Variants in ANO5 observed in about 807,000 individuals in gnomAD.
ANO5 encodes anoctamin 5.
Under a neutral mutation model 121.0 loss-of-function variants are expected in ANO5, and 109 were observed. That is an observed-to-expected ratio of 0.90 (90% CI 0.77 to 1.06). The LOEUF is 1.06. ANO5 is among the 50% of genes least tolerant of loss of function. The pLI, the probability that ANO5 is intolerant of heterozygous loss-of-function variation, is 0.00. For synonymous variants in ANO5, 406 were observed against 359.9 expected, an observed-to-expected ratio of 1.13 and a Z score of -1.45; for missense variants, 1,064 against 1,078.5, an observed-to-expected ratio of 0.99 and a Z score of 0.19.
chr11:22,279,831 G>T lies in ANO5; in HGVS notation c.*66G>T. 1 of 1,332,650 alleles carries T rather than the reference G, an allele frequency of 7.5e-7. No homozygotes were observed. The highest frequency in any genetic ancestry group is 1.1e-6 in the Non-Finnish European group (1 of 943,372). The allele number at this position is 1,332,650 out of a possible 1,614,324, so 82.6% of individuals were successfully genotyped here. On this transcript the variant is annotated 3_prime_UTR_variant, in exon 22 of 22. Transcript: ENST00000324559. ...ACTTTATCCTCTGGTTTTAGGGCCA[G>T]ACGCCAGAAGCCATGTGTCAATTTT... is the stretch of plus-strand genomic sequence containing the variant.
intron 17 of ANO5, among the ~76,000 whole-genome samples, chr11:22,265,194 A>G (rs1854319680): frequency 6.6e-6 from 1 of 152,170 alleles, no homozygotes; most frequent in South Asian, 2.1e-4. Flanking sequence ...AAAGATAAAC[A>G]GACAATCTTT....
intron 9 of ANO5, among the ~76,000 whole-genome samples, chr11:22,243,732 T>C: frequency 6.6e-6 from 1 of 152,210 alleles, no homozygotes; most frequent in Admixed American, 6.6e-5. Context: ...TATTGGAGGA[T>C]TTTTGATTTC....
chr11:22,268,931 A>C (rs1590318224), intron 17 of ANO5, among the ~76,000 whole-genome samples: 1 of 152,140 alleles, frequency 6.6e-6, no homozygotes, highest in South Asian at 2.1e-4. Flanking sequence ...GGCAGGAGAA[A>C]AGGTCAAGGC....
chr11:22,256,237 C>T lies in ANO5; in HGVS notation c.1332+715C>T, dbSNP rs1853995720. Among the ~76,000 whole-genome samples, 3 of 152,088 alleles carry T rather than the reference C, an allele frequency of 2.0e-5. No individual in the cohort carries two copies. In the South Asian group the frequency reaches 6.2e-4, roughly 31 times the overall value. The stretch of plus-strand genomic sequence containing the variant: ...TCTTGGTTACATATTTTTTGAGCCC[C>T]TATCTTCCCGTAATCTACAATCACT... On this transcript the variant is annotated intron_variant, in intron 13 of 21. Coordinates refer to ENST00000324559, the MANE Select transcript of ANO5 (RefSeq NM_213599.3).
intron 19 of ANO5, among the ~76,000 whole-genome samples, chr11:22,274,060 T>C (rs1854736480): frequency 6.6e-6 from 1 of 151,980 alleles, no homozygotes; most frequent in African/African-American, 2.4e-5. Flanking sequence ...GATACAAAAT[T>C]ATCATTCCCA....
intron 6 of ANO5, among the ~76,000 whole-genome samples, chr11:22,226,594 A>C (rs1342998983): frequency 6.6e-6 from 1 of 152,118 alleles, no homozygotes; most frequent in Non-Finnish European, 1.5e-5. Context: ...TTAGTTGGGC[A>C]TGGTGCCTGT....
intron 17 of ANO5, among the ~76,000 whole-genome samples, 174 bp downstream of exon 17, chr11:22,263,217 A>ATTTT (rs1344603796): frequency 6.6e-6 from 1 of 152,050 alleles, no homozygotes; most frequent in East Asian, 1.9e-4. Context: ...ATAAACTCTT[A>ATTTT]TTTTTATTTA....
chr11:22,228,916 T>C (rs1852938219), intron 7 of ANO5, among the ~76,000 whole-genome samples: 1 of 152,048 alleles, frequency 6.6e-6, no homozygotes, highest in Non-Finnish European at 1.5e-5. Context: ...ATCTTGGGTA[T>C]CGTGAATAGT....
Position 22,279,866 on chromosome 11 carries a change from T to TTTTTTTTTTTTC in ANO5, c.*112_*113insCTTTTTTTTTTT. 1 of 48,956 alleles carries TTTTTTTTTTTTC rather than the reference T, an allele frequency of 2.0e-5. No homozygotes were observed. The highest frequency in any genetic ancestry group is 3.3e-4 in the African/African-American group (1 of 3,000). 3.0% of individuals were successfully genotyped at this position (48,956 alleles called of 1,614,324 possible). ...GCCATGTGTCAATTTTACCCTTTCT[T>TTTTTTTTTTTTC]TTTTTTTTTTTTCTTTTTTTTTTTA... On this transcript the variant is annotated 3_prime_UTR_variant, in exon 22 of 22. Transcript: ENST00000324559.
intron 9 of ANO5, among the ~76,000 whole-genome samples, chr11:22,242,027 C>T (rs1342120190): frequency 6.6e-6 from 1 of 152,056 alleles, no homozygotes; most frequent in Non-Finnish European, 1.5e-5. Context: ...TGAGGTCTTA[C>T]ATTTAAAACT....
chr11:22,258,323 T>C (rs1401328632), intron 14 of ANO5, among the ~76,000 whole-genome samples: 1 of 152,208 alleles, frequency 6.6e-6, no homozygotes, highest in Non-Finnish European at 1.5e-5. Context: ...TATTTTCATA[T>C]TTTAAAACAG....
intron 4 of ANO5, 76 bp downstream of exon 4, chr11:22,218,363 G>A (rs1444268006): frequency 1.3e-6 from 2 of 1,558,376 alleles, no homozygotes; most frequent in South Asian, 1.1e-5. Context: ...TTCTTCTAAT[G>A]AATACTTTGA....
chr11:22,276,800 T>TC (rs1469173619), intron 21 of ANO5, among the ~76,000 whole-genome samples: 1 of 151,420 alleles, frequency 6.6e-6, no homozygotes, highest in African/African-American at 2.4e-5. Context: ...GTGATACAAA[T>TC]CATAGGGCAA....
intron 2 of ANO5, among the ~76,000 whole-genome samples, chr11:22,207,561 T>C (rs1225133559): frequency 6.6e-6 from 1 of 152,156 alleles, no homozygotes; most frequent in African/African-American, 2.4e-5. Context: ...TGTAAAACTA[T>C]ACAATTTTTT....
In ANO5 at chr11:22,280,748, A is replaced by ATAAG. The variant is rs1483087344; in HGVS notation, c.*985_*988dup. ...CTTTAAAATAATTGCAAATATTTTA[A>ATAAG]TAAGTTTACAACCTTTTCTATTGAT... is the stretch of plus-strand genomic sequence containing the variant. On this transcript the variant is annotated 3_prime_UTR_variant, in exon 22 of 22. Transcript: ENST00000324559. 6.6e-6 allele frequency: 1 copy of ATAAG among 151,992 alleles called. No homozygotes were observed. The highest frequency in any genetic ancestry group is 1.9e-4 in the East Asian group (1 of 5,194). The allele number at this position is 151,992 out of a possible 1,614,324, so 9.4% of individuals were successfully genotyped here. A position where few individuals can be genotyped will look rare whatever the true frequency, so the allele number is the denominator to read the frequency against.
At position 22,283,320 on chromosome 11, in the gene ANO5, A is replaced by G. The variant is rs1855141967; in HGVS notation, c.*3555A>G. 6.6e-6 allele frequency: 1 copy of G among 152,220 alleles called. No homozygotes were observed. Among genetic ancestry groups the G allele is most frequent in the African/African-American group, 2.4e-5 (1 of 41,462 alleles). 9.4% of individuals were successfully genotyped at this position (152,220 alleles called of 1,614,324 possible). A position where few individuals can be genotyped will look rare whatever the true frequency, so the allele number is the denominator to read the frequency against. The stretch of plus-strand genomic sequence containing the variant: ...GTGTACATAAATCTCAAGAGAATCA[A>G]ATTCACAGAGTGAATAAAGTAATAA... On this transcript the variant is annotated 3_prime_UTR_variant, in exon 22 of 22. Coordinates refer to ENST00000324559, the MANE Select transcript of ANO5 (RefSeq NM_213599.3).
intron 17 of ANO5, among the ~76,000 whole-genome samples, chr11:22,263,387 A>T (rs1854261289): frequency 6.6e-6 from 1 of 152,176 alleles, no homozygotes; most frequent in Non-Finnish European, 1.5e-5. Context: ...TCACTGGGAC[A>T]TCTAAATGCT....
intron 17 of ANO5, among the ~76,000 whole-genome samples, chr11:22,268,761 A>G (rs983294317): frequency 1.3e-5 from 2 of 152,172 alleles, no homozygotes; most frequent in African/African-American, 4.8e-5. Context: ...CATGCCTGTA[A>G]TCCTAACATT....
intron 1 of ANO5, among the ~76,000 whole-genome samples, chr11:22,197,210 G>A (rs1851839488): frequency 6.6e-6 from 1 of 152,008 alleles, no homozygotes; most frequent in Admixed American, 6.6e-5. Flanking sequence ...AAACACATGA[G>A]GAATCAGTGA....
Sources: gnomAD v4.1 joint callset for allele counts (sites outside exome capture counted in the v4.1 genomes callset) on GRCh38, gnomAD v4.1.1 for gene constraint, MANE v1.5 for transcripts, NCBI Gene and HGNC (gene_info 2026-07-23, HGNC 2026-07-21) for gene names.